Variants in DOCK3 observed in about 807,000 individuals in gnomAD.
The protein encoded by DOCK3 is dedicator of cytokinesis 3.
Under a neutral mutation model 265.6 loss-of-function variants are expected in DOCK3, and 60 were observed. The ratio of observed to expected loss-of-function variants is 0.23; its 90% CI spans 0.18 to 0.28. The LOEUF (loss-of-function observed/expected upper bound fraction) is 0.28, where lower values mean the gene tolerates loss of function less well. Among genes scored for constraint, DOCK3 ranks in the 10% least tolerant of loss-of-function variants. The probability of loss-of-function intolerance (pLI) is 1.00; values close to 1 mark genes in which losing one functional copy is unlikely to be tolerated. For synonymous variants in DOCK3, 881 were observed against 938.0 expected, an observed-to-expected ratio of 0.94 and a Z score of 1.11; for missense variants, 1,981 against 2,594.3, an observed-to-expected ratio of 0.76 and a Z score of 5.14.
Position 51,356,073 on chromosome 3 carries a change from T to G in DOCK3, c.4250-16T>G. The stretch of plus-strand genomic sequence containing the variant: ...AGCTCTGGCAAGTCTGTGTTTCTCC[T>G]TCACTTCCTGCCCAGACTTGCAGAT... On this transcript the variant is annotated splice_polypyrimidine_tract_variant and intron_variant, in intron 41 of 52. Coordinates refer to ENST00000266037, the MANE Select transcript of DOCK3 (RefSeq NM_004947.5). The G allele has an allele frequency of 6.2e-7, 1 of 1,613,720 alleles. No homozygotes were observed. Among genetic ancestry groups the G allele is most frequent in the East Asian group, 2.2e-5 (1 of 44,864 alleles).
At chr3:50,715,191 C>T (rs1195007212) in intron 1 of DOCK3, among the ~76,000 whole-genome samples, 1 of 152,302 alleles carries the variant, frequency 6.6e-6, no homozygotes, top group East Asian at 1.9e-4. Flanking sequence ...TCATAATTAA[C>T]TTTGCTCGGG....
chr3:51,363,283 G>A (rs2086872422), intron 49 of DOCK3, among the ~76,000 whole-genome samples: 1 of 152,164 alleles, frequency 6.6e-6, no homozygotes, highest in South Asian at 2.1e-4. Context: ...AGTTGATTCT[G>A]TCCTTGTAGA....
At chr3:50,690,939 C>G (rs1388611572) in intron 1 of DOCK3, among the ~76,000 whole-genome samples, 1 of 151,738 alleles carries the variant, frequency 6.6e-6, no homozygotes, top group Non-Finnish European at 1.5e-5. Flanking sequence ...CTGTGCCTGG[C>G]CTCTACTTCC....
intron 3 of DOCK3, among the ~76,000 whole-genome samples, chr3:50,888,591 T>C (rs928532859): frequency 3.9e-5 from 6 of 152,048 alleles, no homozygotes; most frequent in African/African-American, 4.8e-5. Flanking sequence ...GGAGGCATCA[T>C]GCTACCTGAC....
intron 4 of DOCK3, among the ~76,000 whole-genome samples, chr3:50,893,946 G>A (rs1319421798): frequency 7.1e-6 from 1 of 140,816 alleles, no homozygotes; most frequent in Non-Finnish European, 1.5e-5. Flanking sequence ...ACACAGGAAG[G>A]GGAACATCAC....
chr3:50,813,942 C>T (rs959395962), intron 2 of DOCK3, among the ~76,000 whole-genome samples: 1 of 151,996 alleles, frequency 6.6e-6, no homozygotes, highest in Non-Finnish European at 1.5e-5. Flanking sequence ...TAGAAATAAA[C>T]AGTGCATAAG....
At chr3:51,307,877 G>GGTTTATAT (rs2082777749) in intron 27 of DOCK3, among the ~76,000 whole-genome samples, 1 of 10,050 alleles carries the variant, frequency 1.0e-4, no homozygotes, top group Non-Finnish European at 6.1e-4. Context: ...TAAATTATAT[G>GGTTTATAT]GGTTTTTTTT....
intron 3 of DOCK3, among the ~76,000 whole-genome samples, chr3:50,857,404 A>C (rs2046654072): frequency 6.6e-6 from 1 of 151,946 alleles, no homozygotes; most frequent in Admixed American, 6.6e-5. Flanking sequence ...ATCTTGGGAG[A>C]TTCTTTTCAA....
rs191536488 is a variant in DOCK3 at position 50,943,552 on chromosome 3, A to C, written c.315+9475A>C. 6.9e-4 allele frequency among the ~76,000 whole-genome samples: 105 copies of C among 152,222 alleles called. 1 individual carries two copies. The Middle Eastern group carries it at 0.017, about 25-fold the overall frequency. ...ATTAATGGAGATTACTTAAGGGGCT[A>C]AGGTGTTAGATGTTTTCTTTTTCTT... On this transcript the variant is annotated intron_variant, in intron 5 of 52. Coordinates refer to ENST00000266037, the MANE Select transcript of DOCK3 (RefSeq NM_004947.5).
At chr3:51,259,309 C>G (rs2079724956) in intron 22 of DOCK3, among the ~76,000 whole-genome samples, 1 of 152,184 alleles carries the variant, frequency 6.6e-6, no homozygotes, top group South Asian at 2.1e-4. Flanking sequence ...TTTTATATTT[C>G]AAGTACCTGA....
chr3:50,799,628 A>G (rs984561635), intron 2 of DOCK3, among the ~76,000 whole-genome samples: 2 of 152,104 alleles, frequency 1.3e-5, no homozygotes, highest in Non-Finnish European at 2.9e-5. Flanking sequence ...AGGTTTTTGT[A>G]TATATAAGAT....
intron 2 of DOCK3, chr3:50,787,851 C>T (rs1049951344): frequency 9.1e-7 from 1 of 1,103,996 alleles, no homozygotes; most frequent in African/African-American, 1.5e-5. Flanking sequence ...ACAGGAGTCT[C>T]TTTGGATTGA....
intron 23 of DOCK3, among the ~76,000 whole-genome samples, chr3:51,268,304 G>C (rs2080309350): frequency 6.6e-6 from 1 of 152,088 alleles, no homozygotes; most frequent in Non-Finnish European, 1.5e-5. Context: ...CTCCAGCCTG[G>C]GCAACAGAGT....
At position 51,089,298 on chromosome 3, in the gene DOCK3, C is replaced by T. The variant is rs1455821477; in HGVS notation, c.591+14C>T. ...AGCACATCCCAGGTAAGCGGCTTTCCTGGGTCTTCCAGCCTTTCCCCTCAA... is the reference window on the plus strand; with the variant it reads ...AGCACATCCCAGGTAAGCGGCTTTCTTGGGTCTTCCAGCCTTTCCCCTCAA... On this transcript the variant is annotated intron_variant, in intron 8 of 52. Coordinates refer to ENST00000266037, the MANE Select transcript of DOCK3 (RefSeq NM_004947.5). 6.2e-7 allele frequency: 1 copy of T among 1,606,454 alleles called. No homozygotes were observed. The highest frequency in any genetic ancestry group is 1.3e-5 in the African/African-American group (1 of 74,808).
chr3:50,893,361 C>G (rs1383270849), intron 4 of DOCK3: 1 of 163,566 alleles, frequency 6.1e-6, no homozygotes, highest in Non-Finnish European at 1.4e-5. Flanking sequence ...ATACAGGCAA[C>G]TAAATTAAAT....
chr3:51,203,102 T>G (rs1477291909), intron 12 of DOCK3, among the ~76,000 whole-genome samples: 1 of 152,152 alleles, frequency 6.6e-6, no homozygotes, highest in African/African-American at 2.4e-5. Flanking sequence ...CTTTGAAAAC[T>G]GGCACAAGAC....
rs758986847 is a variant in DOCK3 at position 50,782,964 on chromosome 3, GAT to G, written c.121+4207_121+4208del. Among the ~76,000 whole-genome samples, 42 of 74,330 alleles carry G rather than the reference GAT, an allele frequency of 5.7e-4. No homozygotes were observed. The East Asian group carries it at 0.02, about 36-fold the overall frequency. 48.8% of individuals were successfully genotyped at this position (74,330 alleles called of 152,430 possible). A position where few individuals can be genotyped will look rare whatever the true frequency, so the allele number is the denominator to read the frequency against. On this transcript the variant is annotated intron_variant, in intron 2 of 52. Coordinates refer to ENST00000266037, the MANE Select transcript of DOCK3 (RefSeq NM_004947.5). The stretch of plus-strand genomic sequence containing the variant: ...CCATCCAGGTTGCTGTGAATGCCAT[GAT>G]TTTTTTTTTTTTTTTGGCTCATGGC...
chr3:50,934,083 T>C lies in DOCK3; in HGVS notation c.315+6T>C, dbSNP rs1393405248. On this transcript the variant is annotated splice_donor_region_variant and intron_variant, in intron 5 of 52. Coordinates refer to ENST00000266037, the MANE Select transcript of DOCK3 (RefSeq NM_004947.5). The stretch of plus-strand genomic sequence containing the variant: ...TGTGGAAACAGTTGTATGTGGTAAG[T>C]AGTTGATTACTGGTTTATTGGATCA... The C allele has an allele frequency of 6.3e-7, 1 of 1,591,910 alleles. No individual in the cohort carries two copies. The highest frequency in any genetic ancestry group is 8.6e-7 in the Non-Finnish European group (1 of 1,164,662).
At chr3:51,230,389 G>C (rs1284252689) in intron 19 of DOCK3, among the ~76,000 whole-genome samples, 1 of 152,160 alleles carries the variant, frequency 6.6e-6, no homozygotes, top group African/African-American at 2.4e-5. Context: ...TTCTGTTCTT[G>C]CTAGTTTCTG....
Sources: allele counts gnomAD v4.1 joint callset (sites outside exome capture counted in the v4.1 genomes callset), GRCh38; gene constraint gnomAD v4.1.1; transcripts MANE v1.5; gene names NCBI Gene and HGNC (gene_info 2026-07-23, HGNC 2026-07-21).